The following TRPC4 variants were observed in gnomAD, a reference collection of about 807,000 sequenced individuals.
TRPC4 encodes transient receptor potential cation channel subfamily C member 4.
In TRPC4, 49 loss-of-function variants were observed where a neutral mutation model predicts 99.4. The observed-to-expected ratio is 0.49, with a 90% confidence interval of 0.39 to 0.63. The LOEUF is 0.63. Among genes scored for constraint, TRPC4 ranks in the 20% least tolerant of loss-of-function variants. TRPC4 has a pLI of 0.00. For synonymous variants in TRPC4, 454 were observed against 425.9 expected (o/e 1.07, Z -0.81); for missense variants, 898 against 1,152.9 (o/e 0.78, Z 3.20).
chr13:37,665,759 T>C (rs1952625300), intron 5 of TRPC4, among the ~76,000 whole-genome samples: 2 of 147,616 alleles, frequency 1.4e-5, no homozygotes, highest in Admixed American at 1.4e-4. Context: ...TGTGGATCCA[T>C]CATCACATTA....
intron 1 of TRPC4, among the ~76,000 whole-genome samples, chr13:37,783,608 A>G (rs969594077): frequency 6.6e-6 from 1 of 152,040 alleles, no homozygotes; most frequent in Non-Finnish European, 1.5e-5. Flanking sequence ...TTAAAAAGTT[A>G]CTCTGAAAGT....
chr13:37,698,137 C>G (rs1295293935), intron 3 of TRPC4, among the ~76,000 whole-genome samples: 1 of 126,592 alleles, frequency 7.9e-6, no homozygotes. Context: ...GCATTTTTGC[C>G]CAGTTCTCAA....
At chr13:37,798,643 T>A (rs918365598) in intron 1 of TRPC4, among the ~76,000 whole-genome samples, 1 of 152,144 alleles carries the variant, frequency 6.6e-6, no homozygotes, top group Admixed American at 6.6e-5. Flanking sequence ...TTTGTCTACA[T>A]AGTATCAGAC....
intron 3 of TRPC4, among the ~76,000 whole-genome samples, chr13:37,708,472 A>G (rs1418925234): frequency 6.6e-6 from 1 of 152,026 alleles, no homozygotes; most frequent in East Asian, 1.9e-4. Context: ...CATTGTTGAA[A>G]GTTGAAGACA....
chr13:37,757,838 T>C (rs1165783886), intron 2 of TRPC4, among the ~76,000 whole-genome samples: 5 of 152,098 alleles, frequency 3.3e-5, no homozygotes, highest in African/African-American at 1.2e-4. Context: ...CTGATAGTAT[T>C]CACCAGGTAT....
chr13:37,732,297 C>A (rs1009068693), intron 3 of TRPC4, among the ~76,000 whole-genome samples: 2 of 152,048 alleles, frequency 1.3e-5, no homozygotes, highest in African/African-American at 4.8e-5. Flanking sequence ...GTTTTAACAT[C>A]ATGAAGAAAG....
In TRPC4 at chr13:37,869,742, A is replaced by C. The variant is rs1198113218; in HGVS notation, c.-175T>G. 3.3e-5 allele frequency: 5 copies of C among 152,158 alleles called. No homozygotes were observed. Among genetic ancestry groups the C allele is most frequent in the Admixed American group, 3.3e-4 (5 of 15,290 alleles). The allele number at this position is 152,158 out of a possible 1,614,324, so 9.4% of individuals were successfully genotyped here. A position where few individuals can be genotyped will look rare whatever the true frequency, so the allele number is the denominator to read the frequency against. ...TGGAGCATTCCAAGGAAAACGATCG[A>C]AGCTGGAGCCCACGCAGCTGGCACC... On this transcript the variant is annotated 5_prime_UTR_variant, in exon 1 of 11. Coordinates refer to ENST00000379705, the MANE Select transcript of TRPC4 (RefSeq NM_016179.4).
Position 37,636,891 on chromosome 13 carries a change from C to A in TRPC4, c.*12G>T. ...TACGTATGTGTATGGTAAACGCTTC[C>A]TCCTTCAAGTATCACAATCTTGTGG... On this transcript the variant is annotated 3_prime_UTR_variant, in exon 11 of 11. Coordinates refer to ENST00000379705, the MANE Select transcript of TRPC4 (RefSeq NM_016179.4). 1 of 1,601,556 alleles carries A rather than the reference C, an allele frequency of 6.2e-7. No individual in the cohort carries two copies. The highest frequency in any genetic ancestry group is 8.5e-7 in the Non-Finnish European group (1 of 1,173,450).
chr13:37,655,374 T>C, intron 6 of TRPC4, 91 bp from the exon 7 acceptor site: 1 of 404,014 alleles, frequency 2.5e-6, no homozygotes. Context: ...ATTATATATA[T>C]ATATATATAT....
At chr13:37,689,262 A>G (rs1475406853) in intron 4 of TRPC4, among the ~76,000 whole-genome samples, 4 of 152,176 alleles carry the variant, frequency 2.6e-5, no homozygotes, top group Non-Finnish European at 5.9e-5. Flanking sequence ...ATAATTTAAT[A>G]GTCTCCTAGT....
intron 1 of TRPC4, among the ~76,000 whole-genome samples, chr13:37,850,849 C>A (rs1417243743): frequency 6.6e-6 from 1 of 152,098 alleles, no homozygotes; most frequent in African/African-American, 2.4e-5. Context: ...CTTGTACAAG[C>A]CATATTTGCT....
rs527369718 is a variant in TRPC4, at chr13:37,715,707, C to T, written c.898-23372G>A. 9.2e-5 allele frequency among the ~76,000 whole-genome samples: 14 copies of T among 152,216 alleles called. No individual in the cohort carries two copies. The South Asian group carries it at 1.7e-3, about 18-fold the overall frequency. On this transcript the variant is annotated intron_variant, in intron 3 of 10. Coordinates refer to ENST00000379705, the MANE Select transcript of TRPC4 (RefSeq NM_016179.4). The stretch of plus-strand genomic sequence containing the variant: ...TGTTGCTTTTTCTGGACACCGCATC[C>T]GACCTCATAAGGAATTATTACTCAC...
chr13:37,832,001 T>C (rs1203008531), intron 1 of TRPC4, among the ~76,000 whole-genome samples: 1 of 152,132 alleles, frequency 6.6e-6, no homozygotes, highest in Admixed American at 6.5e-5. Context: ...TTACAATGTG[T>C]TGTATATTTC....
chr13:37,762,475 C>T (rs1028349848), intron 2 of TRPC4, among the ~76,000 whole-genome samples: 4 of 151,346 alleles, frequency 2.6e-5, no homozygotes, highest in African/African-American at 7.3e-5. Context: ...CCCAAATGTC[C>T]AACAATGATA....
At chr13:37,770,919 T>C (rs1956535007) in intron 2 of TRPC4, among the ~76,000 whole-genome samples, 1 of 151,638 alleles carries the variant, frequency 6.6e-6, no homozygotes, top group Admixed American at 6.6e-5. Context: ...AATTTTACCA[T>C]CTTCACAGAA....
intron 8 of TRPC4, among the ~76,000 whole-genome samples, chr13:37,641,268 G>A (rs1457035452): frequency 6.6e-6 from 1 of 152,002 alleles, no homozygotes; most frequent in East Asian, 1.9e-4. Context: ...AATCAAAATG[G>A]ATTGTCAAAA....
intron 6 of TRPC4, among the ~76,000 whole-genome samples, chr13:37,658,988 G>C (rs1952341636): frequency 2.6e-5 from 4 of 152,066 alleles, no homozygotes; most frequent in Admixed American, 6.6e-5. Context: ...TCTCGAATAA[G>C]AGAAGAAAAT....
chr13:37,657,306 G>T (rs1223866948), intron 6 of TRPC4, among the ~76,000 whole-genome samples: 3 of 152,160 alleles, frequency 2.0e-5, no homozygotes, highest in Non-Finnish European at 4.4e-5. Context: ...AAACCCAGGT[G>T]CCAGATTCCA....
chr13:37,709,669 A>C (rs1026850553), intron 3 of TRPC4, among the ~76,000 whole-genome samples: 4 of 152,036 alleles, frequency 2.6e-5, no homozygotes, highest in Admixed American at 6.6e-5. Context: ...GCCTTCCTGA[A>C]ACACCCTTCA....
Sources: allele counts gnomAD v4.1 joint callset (sites outside exome capture counted in the v4.1 genomes callset), GRCh38; gene constraint gnomAD v4.1.1; transcripts MANE v1.5; gene names NCBI Gene and HGNC (gene_info 2026-07-23, HGNC 2026-07-21).